Variants in PTTG1IP observed in about 807,000 individuals in gnomAD.
PTTG1IP encodes the protein PTTG1 interacting protein, also known as pituitary tumor-transforming gene 1 protein-interacting protein.
Under a neutral mutation model 24.4 loss-of-function variants are expected in PTTG1IP, and 16 were observed. The ratio of observed to expected loss-of-function variants is 0.66; its 90% confidence interval spans 0.44 to 1.00. The LOEUF (loss-of-function observed/expected upper bound fraction) is 1.00. Among genes scored for constraint, PTTG1IP ranks in the 50% least tolerant of loss-of-function variants. The pLI, the probability that PTTG1IP is intolerant of heterozygous loss-of-function variation, is 0.00. For synonymous variants in PTTG1IP, 89 were observed against 96.8 expected (o/e 0.92, Z 0.47); for missense variants, 241 against 245.8 (o/e 0.98, Z 0.13).
intron 5 of PTTG1IP, among the ~76,000 whole-genome samples, chr21:44,854,528 G>A (rs1017743446): frequency 2.3e-4 from 35 of 152,092 alleles, no homozygotes; most frequent in African/African-American, 5.6e-4. Context: ...GACTCTTTGC[G>A]GACTTTAAAA....
intron 4 of PTTG1IP, 43 bp from the exon 5 acceptor site, chr21:44,855,299 C>T (rs755451052): frequency 5.7e-6 from 9 of 1,574,004 alleles, no homozygotes; most frequent in African/African-American, 2.7e-5. Context: ...CGACAGCGCA[C>T]GGTGGTGTAA....
chr21:44,871,108 A>G (rs1049357025), intron 1 of PTTG1IP, among the ~76,000 whole-genome samples: 1 of 152,282 alleles, frequency 6.6e-6, no homozygotes, highest in Admixed American at 6.5e-5. Context: ...AAGAGGGCAG[A>G]TATGGAGACA....
At chr21:44,869,935 G>C (rs889025987) in intron 1 of PTTG1IP, among the ~76,000 whole-genome samples, 2 of 152,178 alleles carry the variant, frequency 1.3e-5, no homozygotes, top group African/African-American at 4.8e-5. Context: ...ACTAGGTCTT[G>C]TGTGAACTAA....
intron 3 of PTTG1IP, among the ~76,000 whole-genome samples, chr21:44,859,563 C>T (rs1433255537): frequency 6.6e-6 from 1 of 152,212 alleles, no homozygotes; most frequent in Admixed American, 6.5e-5. Flanking sequence ...AAGCTACATG[C>T]CATTAAAAAC....
In PTTG1IP at chr21:44,868,564, C is replaced by T. The variant is rs555263427; in HGVS notation, c.116-3117G>A. Among the ~76,000 whole-genome samples, 147 of 152,246 alleles carry T rather than the reference C, an allele frequency of 9.7e-4. 1 individual carries two copies. Among genetic ancestry groups the T allele is most frequent in the Admixed American group, 6.4e-3 (98 of 15,290 alleles). ...CAGACATGAACGAATGGCAAGAGGA[C>T]CCAGAAGCCAGCCTGGAGGGAGTCT... On this transcript the variant is annotated intron_variant, in intron 1 of 5. Coordinates refer to ENST00000330938, the MANE Select transcript of PTTG1IP (RefSeq NM_004339.4).
Position 44,860,170 on chromosome 21 carries a change from C to T in PTTG1IP, c.277+993G>A, listed in dbSNP as rs535577588. Among the ~76,000 whole-genome samples, 4 of 152,216 alleles carry T rather than the reference C, an allele frequency of 2.6e-5. No homozygotes were observed. The East Asian group carries it at 5.8e-4, about 22-fold the overall frequency. On this transcript the variant is annotated intron_variant, in intron 3 of 5. Transcript: ENST00000330938. ...GATCATGAGGTCAGGAGATCGAGAC[C>T]ATCCTGGCTAACACAGTGAAACCCC...
At chr21:44,867,723 G>A (rs1013035504) in intron 1 of PTTG1IP, among the ~76,000 whole-genome samples, 2 of 152,244 alleles carry the variant, frequency 1.3e-5, no homozygotes, top group Non-Finnish European at 2.9e-5. Flanking sequence ...AAAGCATGGC[G>A]ACACGGCTGA....
rs1234097714 is a variant in PTTG1IP, at chr21:44,859,797, AG to A, written c.277+1365del. Among the ~76,000 whole-genome samples the A allele has an allele frequency of 6.6e-5, 10 of 152,314 alleles. No homozygotes were observed. In the East Asian group the frequency reaches 1.9e-3, roughly 29 times the overall value. On this transcript the variant is annotated intron_variant, in intron 3 of 5. Transcript: ENST00000330938. ...CACCACACAAACTTTTGAATTCTCTAGGGCCTCAACACCAGCAACAAGTTGT... is the reference window on the plus strand; with the variant it reads ...CACCACACAAACTTTTGAATTCTCTAGGCCTCAACACCAGCAACAAGTTGT...
intron 2 of PTTG1IP, among the ~76,000 whole-genome samples, chr21:44,861,481 C>A (rs1176327172): frequency 1.3e-5 from 2 of 152,214 alleles, no homozygotes; most frequent in African/African-American, 4.8e-5. Context: ...CAGCTCTCCA[C>A]GGACTCATCC....
intron 1 of PTTG1IP, among the ~76,000 whole-genome samples, chr21:44,869,813 G>C (rs138362954): frequency 1.3e-5 from 2 of 152,126 alleles, no homozygotes; most frequent in Non-Finnish European, 2.9e-5. Context: ...ACACCCACTC[G>C]AGTCCTTCCT....
intron 1 of PTTG1IP, among the ~76,000 whole-genome samples, chr21:44,868,110 G>T (rs1396229842): frequency 6.6e-6 from 1 of 152,174 alleles, no homozygotes; most frequent in Non-Finnish European, 1.5e-5. Context: ...TCAGCCCCAG[G>T]GAGGCAAAGA....
chr21:44,852,230 T>TA (rs2083416795), intron 5 of PTTG1IP, among the ~76,000 whole-genome samples: 1 of 151,936 alleles, frequency 6.6e-6, no homozygotes. Context: ...TTGCCCAGGA[T>TA]AGAGTGCAAT....
chr21:44,873,678 C>A lies in PTTG1IP; in HGVS notation c.-62G>T, dbSNP rs569433723. 3.2e-5 allele frequency: 41 copies of A among 1,298,654 alleles called. No individual in the cohort carries two copies. Among genetic ancestry groups the A allele is most frequent in the African/African-American group, 2.2e-4 (14 of 64,920 alleles). The allele number at this position is 1,298,654 out of a possible 1,614,324, so 80.4% of individuals were successfully genotyped here. On this transcript the variant is annotated 5_prime_UTR_variant, in exon 1 of 6. Transcript: ENST00000330938. ...CAACTCCGACTCCAGCACAAGCGGTCTCCGCCCGGAACAGCCGCGGCGCCG... is the reference window on the plus strand; with the variant it reads ...CAACTCCGACTCCAGCACAAGCGGTATCCGCCCGGAACAGCCGCGGCGCCG...
chr21:44,867,588 G>A (rs910323248), intron 1 of PTTG1IP, among the ~76,000 whole-genome samples: 1 of 152,240 alleles, frequency 6.6e-6, no homozygotes, highest in African/African-American at 2.4e-5. Flanking sequence ...CTGAACTCTG[G>A]TCCCTGACAG....
chr21:44,865,027 T>A (rs2083524395), intron 2 of PTTG1IP, among the ~76,000 whole-genome samples: 1 of 152,138 alleles, frequency 6.6e-6, no homozygotes, highest in Non-Finnish European at 1.5e-5. Flanking sequence ...GAGAAAGCAG[T>A]CTCTGCTGCA....
intron 5 of PTTG1IP, among the ~76,000 whole-genome samples, chr21:44,853,087 G>T (rs1372188531): frequency 6.6e-6 from 1 of 152,238 alleles, no homozygotes; most frequent in Non-Finnish European, 1.5e-5. Context: ...CACCCGCTGG[G>T]AGTCAGGGCA....
At chr21:44,868,689 G>A (rs1382573903) in intron 1 of PTTG1IP, among the ~76,000 whole-genome samples, 3 of 152,204 alleles carry the variant, frequency 2.0e-5, no homozygotes, top group Middle Eastern at 3.2e-3. Flanking sequence ...AGAGAAGGCC[G>A]AGTGGCAAAT....
At chr21:44,867,091 A>T (rs1157817443) in intron 1 of PTTG1IP, among the ~76,000 whole-genome samples, 1 of 152,246 alleles carries the variant, frequency 6.6e-6, no homozygotes, top group Admixed American at 6.5e-5. Flanking sequence ...GGGTGGACAG[A>T]CAGACTGGAA....
At position 44,865,427 on chromosome 21, in the gene PTTG1IP, T is replaced by C. The variant is rs2083528184; in HGVS notation, c.136A>G (p.Lys46Glu). The change falls in exon 2 of 6, where the codon AAA becomes GAA. Residue 46 changes from lysine to glutamate, a missense_variant. Coordinates refer to ENST00000330938, the MANE Select transcript of PTTG1IP (RefSeq NM_004339.4). Reference sequence around the variant, plus strand: ...TTCTTCAGGCACTCTTCACAGGTTTTGTTTGTGTTCTGAGAACAAGCTGCA... The same window carrying C: ...TTCTTCAGGCACTCTTCACAGGTTTCGTTTGTGTTCTGAGAACAAGCTGCA... The part of the protein sequence containing the change: ...PGAACSQNTN[K>E]TCEECLKNVS... 6.2e-7 allele frequency: 1 copy of C among 1,614,196 alleles called. No individual in the cohort carries two copies.
Sources: gnomAD v4.1 joint callset for allele counts (sites outside exome capture counted in the v4.1 genomes callset) on GRCh38, gnomAD v4.1.1 for gene constraint, MANE v1.5 for transcripts, NCBI Gene and HGNC (gene_info 2026-07-23, HGNC 2026-07-21) for gene names.